MYO1B: variants seen among roughly 807,000 people sequenced by gnomAD.
MYO1B encodes the protein unconventional myosin-Ib.
MYO1B carries 72 observed loss-of-function variants against 159.7 expected under a neutral mutation model. The ratio of observed to expected loss-of-function variants is 0.45; its 90% CI spans 0.37 to 0.55. MYO1B has a LOEUF of 0.55. MYO1B is among the 20% of genes least tolerant of loss of function. The pLI, the probability that MYO1B is intolerant of heterozygous loss-of-function variation, is 0.00. For missense variants in MYO1B, 1,062 were observed against 1,364.8 expected, an observed-to-expected ratio of 0.78 and a Z score of 3.50; for synonymous variants, 468 against 473.8, an observed-to-expected ratio of 0.99 and a Z score of 0.16.
In MYO1B at chr2:191,370,254, AT is replaced by A; in HGVS notation, c.1148del (p.Met383ArgfsTer50). 6.2e-7 allele frequency: 1 copy of A among 1,613,516 alleles called. No individual in the cohort carries two copies. Among genetic ancestry groups the A allele is most frequent in the South Asian group, 1.1e-5 (1 of 90,944 alleles). On this transcript the variant is annotated frameshift_variant, in exon 13 of 31. Coordinates refer to ENST00000392318, the MANE Select transcript of MYO1B (RefSeq NM_001130158.3). LOFTEE classifies it high-confidence loss of function. Reference protein sequence around the residue: ...KAQTKVRKKVMGVLDIYGFEI... With the variant: ...KAQTKVRKKVXGVLDIYGFEI... ...ACAAACAAAAGTGAGAAAGAAGGTC[AT>A]GGGTGTTCTGGACATTTATGGCTTT...
chr2:191,418,482 A>ATTTTTTTTTTTTTTTTTTT (rs1159016855), intron 30 of MYO1B, among the ~76,000 whole-genome samples: 3 of 81,044 alleles, frequency 3.7e-5, no homozygotes, highest in African/African-American at 4.7e-5. Flanking sequence ...TCTTTAGTGG[A>ATTTTTTTTTTTTTTTTTTT]TTTTTTTTTT....
chr2:191,375,562 G>T (rs948967631), intron 13 of MYO1B, among the ~76,000 whole-genome samples: 1 of 151,980 alleles, frequency 6.6e-6, no homozygotes. Context: ...CCAGAGCCGG[G>T]CACTCCTCCC....
At position 191,369,609 on chromosome 2, in the gene MYO1B, G is replaced by A. The variant is rs780531601; in HGVS notation, c.1100G>A (p.Arg367Gln). 8.1e-6 allele frequency: 13 copies of A among 1,612,902 alleles called. No individual in the cohort carries two copies. The highest frequency in any genetic ancestry group is 6.6e-5 in the South Asian group (6 of 91,010). ...YSRLFSWLVN[R>Q]INESIKAQTK... ...AGGTTGTTTTCATGGTTGGTAAATC[G>A]AATCAATGAAAGCATTAAGGTACTG... Residue 367 changes from arginine to glutamine, a missense_variant, in exon 12 of 31, where the codon CGA becomes CAA. Transcript: ENST00000392318.
intron 2 of MYO1B, among the ~76,000 whole-genome samples, chr2:191,284,856 A>G (rs1237213993): frequency 6.6e-6 from 1 of 151,508 alleles, no homozygotes; most frequent in Non-Finnish European, 1.5e-5. Flanking sequence ...CTGGTCTTGA[A>G]CTCCTGGCCT....
Position 191,424,197 on chromosome 2 carries a change from T to C in MYO1B, c.*237T>C, listed in dbSNP as rs1698112104. 4 of 477,590 alleles carry C rather than the reference T, an allele frequency of 8.4e-6. No individual in the cohort carries two copies. The highest frequency in any genetic ancestry group is 1.1e-5 in the Non-Finnish European group (3 of 272,116). The allele number at this position is 477,590 out of a possible 1,614,324, so 29.6% of individuals were successfully genotyped here. The stretch of plus-strand genomic sequence containing the variant: ...TAACAGTGTCTATTTTCATGTCTGA[T>C]GTGTTCTTCCTTTAGTCATCATGTT... On this transcript the variant is annotated 3_prime_UTR_variant, in exon 31 of 31. Coordinates refer to ENST00000392318, the MANE Select transcript of MYO1B (RefSeq NM_001130158.3).
intron 2 of MYO1B, among the ~76,000 whole-genome samples, chr2:191,291,108 G>A (rs945386244): frequency 6.6e-5 from 10 of 152,118 alleles, no homozygotes; most frequent in South Asian, 2.1e-4. Flanking sequence ...AATAAAACAC[G>A]TGGCCTTTAG....
At chr2:191,376,557 C>G (rs1438027627) in intron 13 of MYO1B, among the ~76,000 whole-genome samples, 1 of 152,138 alleles carries the variant, frequency 6.6e-6, no homozygotes, top group Admixed American at 6.5e-5. Context: ...TGCATTGACT[C>G]ATTTATTATG....
At chr2:191,398,580 C>T (rs1211240054) in intron 21 of MYO1B, among the ~76,000 whole-genome samples, 4 of 149,198 alleles carry the variant, frequency 2.7e-5, no homozygotes, top group African/African-American at 9.9e-5. Flanking sequence ...CGCTCCTCAC[C>T]TCCCAGACAG....
At chr2:191,395,568 A>G (rs1696020211) in intron 20 of MYO1B, among the ~76,000 whole-genome samples, 1 of 152,250 alleles carries the variant, frequency 6.6e-6, no homozygotes, top group Non-Finnish European at 1.5e-5. Flanking sequence ...GTTTCAGTGT[A>G]TATTCCAAAG....
rs1215869248 is a variant in MYO1B, at chr2:191,414,805, A to C, written c.3159+136A>C. On this transcript the variant is annotated intron_variant, in intron 29 of 30. Coordinates refer to ENST00000392318, the MANE Select transcript of MYO1B (RefSeq NM_001130158.3). ...AATTTTGGATATTCACCCCTATGTA[A>C]AATCTCCGACTCAGTTTTTCAGTAA... 1.1e-5 allele frequency: 9 copies of C among 805,420 alleles called. No individual in the cohort carries two copies. In the East Asian group the frequency reaches 2.8e-4, roughly 25 times the overall value. 49.9% of individuals were successfully genotyped at this position (805,420 alleles called of 1,614,324 possible).
intron 1 of MYO1B, among the ~76,000 whole-genome samples, chr2:191,256,357 G>T (rs886156085): frequency 6.6e-6 from 1 of 152,162 alleles, no homozygotes. Flanking sequence ...GTTATAGTAA[G>T]GATTAAATGA....
At chr2:191,247,522 T>C (rs1452202628) in intron 1 of MYO1B, among the ~76,000 whole-genome samples, 2 of 152,152 alleles carry the variant, frequency 1.3e-5, no homozygotes, top group African/African-American at 2.4e-5. Flanking sequence ...TCAGGAGCCA[T>C]TATGATGTGA....
At chr2:191,315,157 G>A (rs1027348952) in intron 3 of MYO1B, among the ~76,000 whole-genome samples, 3 of 149,956 alleles carry the variant, frequency 2.0e-5, no homozygotes, top group South Asian at 2.1e-4. Context: ...CCGTCCGTCC[G>A]TCCATCCATC....
chr2:191,363,276 A>G (rs1242478389), intron 9 of MYO1B, among the ~76,000 whole-genome samples: 3 of 152,218 alleles, frequency 2.0e-5, no homozygotes, highest in African/African-American at 7.2e-5. Flanking sequence ...GTAAAAATTT[A>G]TGAATGAACA....
intron 29 of MYO1B, among the ~76,000 whole-genome samples, chr2:191,415,095 G>C (rs1317255833): frequency 1.3e-5 from 2 of 152,212 alleles, no homozygotes; most frequent in Non-Finnish European, 2.9e-5. Context: ...CTTGGATGCA[G>C]TGGTTACATG....
In MYO1B at chr2:191,414,179, A is replaced by G. The variant is rs750710218; in HGVS notation, c.3005A>G (p.Lys1002Arg). ...AACAAAATTAACCGTGCTAATGGGA[A>G]GGTAAAAATGCTAACCTTGAAGACT... Reference protein sequence around the residue: ...VVNKINRANGKSTSRIFLLTN... With the variant: ...VVNKINRANGRSTSRIFLLTN... The change falls in exon 28 of 31, where the codon AAG (lysine) becomes AGG (arginine). Residue 1002 changes from lysine (K) to arginine (R), a missense_variant and splice_region_variant. Around this residue, in one of 5 missense-constraint regions of MYO1B, gnomAD observed 609 missense variants for 744.4 expected, o/e 0.82. Coordinates refer to ENST00000392318, the MANE Select transcript of MYO1B (RefSeq NM_001130158.3). 6.2e-7 allele frequency: 1 copy of G among 1,610,692 alleles called. No individual in the cohort carries two copies. Among genetic ancestry groups the G allele is most frequent in the African/African-American group, 1.3e-5 (1 of 74,874 alleles).
At chr2:191,367,926 T>C (rs1217864434) in intron 11 of MYO1B, among the ~76,000 whole-genome samples, 1 of 152,182 alleles carries the variant, frequency 6.6e-6, no homozygotes, top group Non-Finnish European at 1.5e-5. Flanking sequence ...AGAAAGGGTA[T>C]TGGGGAAAGA....
chr2:191,282,169 CGTAGATGGA>C (rs1328310876), intron 2 of MYO1B, among the ~76,000 whole-genome samples: 1 of 152,266 alleles, frequency 6.6e-6, no homozygotes, highest in East Asian at 1.9e-4. Flanking sequence ...GGGAATTTGG[CGTAGATGGA>C]GTAGTAGTTT....
chr2:191,253,115 C>T (rs1318179577), intron 1 of MYO1B, among the ~76,000 whole-genome samples: 1 of 152,080 alleles, frequency 6.6e-6, no homozygotes, highest in Non-Finnish European at 1.5e-5. Flanking sequence ...GTAAATGTTC[C>T]TGTAAAAAGG....
Sources: allele counts gnomAD v4.1 joint callset (sites outside exome capture counted in the v4.1 genomes callset), GRCh38; gene constraint gnomAD v4.1.1; regional missense constraint gnomAD v4.1.1; transcripts MANE v1.5; gene names NCBI Gene and HGNC (gene_info 2026-07-23, HGNC 2026-07-21).